The following KALRN variants were observed in gnomAD, a reference collection of about 807,000 sequenced individuals.
KALRN encodes the protein kalirin RhoGEF kinase.
In KALRN, 70 loss-of-function variants were observed where a neutral mutation model predicts 353.7. The ratio of observed to expected loss-of-function variants is 0.20; its 90% CI spans 0.16 to 0.24. The LOEUF (loss-of-function observed/expected upper bound fraction) is 0.24. Among genes scored for constraint, KALRN ranks in the 10% least tolerant of loss-of-function variants. KALRN has a pLI of 1.00. For missense variants in KALRN, 2,791 were observed against 3,756.7 expected (o/e 0.74, Z 6.72); for synonymous variants, 1,391 against 1,434.8 (o/e 0.97, Z 0.69).
chr3:124,449,082 C>T (rs1366366017), intron 21 of KALRN, among the ~76,000 whole-genome samples: 1 of 152,176 alleles, frequency 6.6e-6, no homozygotes, highest in African/African-American at 2.4e-5. Flanking sequence ...GCCTCCTGCC[C>T]CACCCTAATC....
At chr3:124,582,930 C>T (rs2074774976) in intron 34 of KALRN, among the ~76,000 whole-genome samples, 1 of 152,170 alleles carries the variant, frequency 6.6e-6, no homozygotes, top group African/African-American at 2.4e-5. Context: ...CCACCAAGCA[C>T]CGCTCATTTA....
intron 13 of KALRN, chr3:124,410,301 A>C (rs1451023376): frequency 1.9e-6 from 1 of 530,962 alleles, no homozygotes; most frequent in African/African-American, 1.9e-5. Flanking sequence ...AGTTTCACAG[A>C]AACAAACAGA....
In KALRN at chr3:124,261,820, C is replaced by A. The variant is rs189164606; in HGVS notation, c.264-2678C>A. Among the ~76,000 whole-genome samples, 17 of 152,252 alleles carry A rather than the reference C, an allele frequency of 1.1e-4. 1 individual carries two copies. In the South Asian group the frequency reaches 3.1e-3, roughly 28 times the overall value. ...AAGACCCACAGTTAACGTTGCCGAA[C>A]CTGACATAGTTGGGCATGCAACAAA... On this transcript the variant is annotated intron_variant, in intron 3 of 59. Coordinates refer to ENST00000682506, the MANE Select transcript of KALRN (RefSeq NM_001388419.1).
At chr3:124,708,158 A>G (rs973784935) in intron 57 of KALRN, among the ~76,000 whole-genome samples, 1 of 152,214 alleles carries the variant, frequency 6.6e-6, no homozygotes, top group African/African-American at 2.4e-5. Context: ...TAAACCAAAA[A>G]TCAAACTCCT....
intron 45 of KALRN, among the ~76,000 whole-genome samples, chr3:124,664,371 G>GTGTGTGCA (rs780486751): frequency 1.3e-5 from 1 of 77,044 alleles, no homozygotes; most frequent in African/African-American, 1.1e-4. Flanking sequence ...GTGTGTGTGT[G>GTGTGTGCA]CGCGCGCGCG....
intron 15 of KALRN, among the ~76,000 whole-genome samples, chr3:124,425,784 A>C (rs755967579): frequency 6.6e-6 from 1 of 152,162 alleles, no homozygotes; most frequent in Non-Finnish European, 1.5e-5. Context: ...TTATTCTCCA[A>C]CTACACATCC....
chr3:124,424,482 A>G lies in KALRN; in HGVS notation c.2709+1504A>G, dbSNP rs2092930636. Among the ~76,000 whole-genome samples, 3 of 152,064 alleles carry G rather than the reference A, an allele frequency of 2.0e-5. No individual in the cohort carries two copies. The South Asian group carries it at 6.2e-4, about 32-fold the overall frequency. ...TATATTGTTATTTATTATAATGAAA[A>G]AAACACTGTCTTCTCCACTCCCCAT... On this transcript the variant is annotated intron_variant, in intron 15 of 59. Coordinates refer to ENST00000682506, the MANE Select transcript of KALRN (RefSeq NM_001388419.1).
At chr3:124,265,298 CTTTT>C (rs3054177) in intron 4 of KALRN, among the ~76,000 whole-genome samples, 1 of 73,122 alleles carries the variant, frequency 1.4e-5, no homozygotes, top group African/African-American at 5.4e-5. Flanking sequence ...AGAAAATATT[CTTTT>C]TTTTTTTTTT....
intron 18 of KALRN, among the ~76,000 whole-genome samples, chr3:124,439,815 C>G (rs944252065): frequency 1.3e-5 from 2 of 152,214 alleles, no homozygotes; most frequent in Non-Finnish European, 1.5e-5. Flanking sequence ...CCTTCCCCAG[C>G]CTTTGATCTT....
At chr3:124,599,371 A>G (rs1186673547) in intron 34 of KALRN, among the ~76,000 whole-genome samples, 1 of 152,132 alleles carries the variant, frequency 6.6e-6, no homozygotes. Flanking sequence ...ACAAAGGATC[A>G]CTGCCAGGGC....
intron 6 of KALRN, among the ~76,000 whole-genome samples, chr3:124,314,189 T>C (rs1580841635): frequency 6.6e-6 from 1 of 152,216 alleles, no homozygotes; most frequent in East Asian, 1.9e-4. Flanking sequence ...GATGAGTTCA[T>C]GTCCTTTATA....
chr3:124,407,025 G>A (rs1348913792), intron 13 of KALRN, among the ~76,000 whole-genome samples: 1 of 151,726 alleles, frequency 6.6e-6, no homozygotes, highest in Non-Finnish European at 1.5e-5. Context: ...GTAGAGATGG[G>A]GTTTCACCAT....
intron 10 of KALRN, among the ~76,000 whole-genome samples, chr3:124,352,906 C>A (rs2082989426): frequency 6.6e-6 from 1 of 152,046 alleles, no homozygotes; most frequent in African/African-American, 2.4e-5. Flanking sequence ...GGAGAAATAC[C>A]TAATATAAAT....
intron 1 of KALRN, among the ~76,000 whole-genome samples, chr3:124,212,854 AT>A (rs2077015628): frequency 6.6e-6 from 1 of 151,996 alleles, no homozygotes; most frequent in Non-Finnish European, 1.5e-5. Flanking sequence ...CATTTTCTTT[AT>A]TACTAATTAA....
intron 3 of KALRN, among the ~76,000 whole-genome samples, chr3:124,236,932 A>G (rs1375750993): frequency 6.6e-6 from 1 of 152,196 alleles, no homozygotes; most frequent in Non-Finnish European, 1.5e-5. Context: ...TGCCAGTGGG[A>G]AGAACTGTTC....
intron 1 of KALRN, among the ~76,000 whole-genome samples, chr3:124,070,007 C>T (rs976768785): frequency 3.3e-5 from 5 of 151,832 alleles, no homozygotes; most frequent in Non-Finnish European, 7.4e-5. Flanking sequence ...AAGGGATTTA[C>T]AACAGCTTAA....
chr3:124,317,917 T>C (rs2078968717), intron 6 of KALRN, among the ~76,000 whole-genome samples: 1 of 152,074 alleles, frequency 6.6e-6, no homozygotes, highest in African/African-American at 2.4e-5. Flanking sequence ...ATTCCAGCTG[T>C]ACCCATCATT....
At chr3:124,315,046 T>C (rs1270298728) in intron 6 of KALRN, among the ~76,000 whole-genome samples, 1 of 152,176 alleles carries the variant, frequency 6.6e-6, no homozygotes, top group African/African-American at 2.4e-5. Context: ...TCTGTCCCCC[T>C]GACCCAAACA....
At chr3:124,458,277 A>AG (rs1481563836) in intron 23 of KALRN, among the ~76,000 whole-genome samples, 1 of 148,218 alleles carries the variant, frequency 6.7e-6, no homozygotes, top group Non-Finnish European at 1.5e-5. Context: ...CTCTGTCTCA[A>AG]AAAAAAAAAA....
Sources: allele counts gnomAD v4.1 joint callset (sites outside exome capture counted in the v4.1 genomes callset), GRCh38; gene constraint gnomAD v4.1.1; transcripts MANE v1.5; gene names NCBI Gene and HGNC (gene_info 2026-07-23, HGNC 2026-07-21).